The following SGK1 variants were observed in gnomAD, a reference collection of about 807,000 sequenced individuals.
SGK1 encodes serum/glucocorticoid regulated kinase 1.
Under a neutral mutation model 64.2 loss-of-function variants are expected in SGK1, and 26 were observed. The ratio of observed to expected loss-of-function variants is 0.40; its 90% CI spans 0.30 to 0.56. The LOEUF is 0.56. Among genes scored for constraint, SGK1 ranks in the 20% least tolerant of loss-of-function variants. The pLI is 0.38. For missense variants in SGK1, 519 were observed against 645.6 expected, an observed-to-expected ratio of 0.80 and a Z score of 2.12; for synonymous variants, 265 against 239.7, an observed-to-expected ratio of 1.11 and a Z score of -0.98.
intron 1 of SGK1, among the ~76,000 whole-genome samples, chr6:134,314,615 C>T (rs1474164731): frequency 6.6e-6 from 1 of 152,146 alleles, no homozygotes; most frequent in Non-Finnish European, 1.5e-5. Flanking sequence ...CATTCCTACC[C>T]AGAACATAGT....
At chr6:134,228,042 C>T (rs906253312) in intron 2 of SGK1, among the ~76,000 whole-genome samples, 2 of 148,922 alleles carry the variant, frequency 1.3e-5, no homozygotes, top group African/African-American at 4.9e-5. Context: ...GCAACCTCCA[C>T]CTCCCGGGCT....
chr6:134,278,027 G>A (rs1406994937), intron 1 of SGK1, among the ~76,000 whole-genome samples: 1 of 152,110 alleles, frequency 6.6e-6, no homozygotes, highest in Non-Finnish European at 1.5e-5. Context: ...GAACTTGAAG[G>A]CGCTTATCCG....
intron 10 of SGK1, 150 bp from the exon 11 acceptor site, chr6:134,171,882 T>C (rs887624852): frequency 3.1e-6 from 2 of 639,698 alleles, no homozygotes; most frequent in East Asian, 2.7e-5. Context: ...TGCTGGACTT[T>C]TTGAGGGTGA....
At chr6:134,302,740 T>C (rs1777476476) in intron 1 of SGK1, among the ~76,000 whole-genome samples, 1 of 152,026 alleles carries the variant, frequency 6.6e-6, no homozygotes, top group East Asian at 1.9e-4. Flanking sequence ...CTTTGAGGTA[T>C]TATTGTTATT....
At chr6:134,286,313 C>T (rs1162042938) in intron 1 of SGK1, among the ~76,000 whole-genome samples, 1 of 152,066 alleles carries the variant, frequency 6.6e-6, no homozygotes, top group Non-Finnish European at 1.5e-5. Flanking sequence ...AAATAATTAG[C>T]TGGGCATGGT....
chr6:134,247,596 G>C (rs1006082397), intron 2 of SGK1, among the ~76,000 whole-genome samples: 1 of 152,156 alleles, frequency 6.6e-6, no homozygotes, highest in Non-Finnish European at 1.5e-5. Flanking sequence ...GATTAATTTT[G>C]GTGGCTGAGG....
At chr6:134,245,529 T>G (rs1314932255) in intron 2 of SGK1, among the ~76,000 whole-genome samples, 2 of 152,244 alleles carry the variant, frequency 1.3e-5, no homozygotes, top group Non-Finnish European at 2.9e-5. Context: ...TGAAGATTTT[T>G]ACTTCACTTT....
chr6:134,308,553 G>C (rs998297388), intron 1 of SGK1, among the ~76,000 whole-genome samples: 2 of 152,024 alleles, frequency 1.3e-5, no homozygotes, highest in African/African-American at 4.8e-5. Flanking sequence ...ACAATCCTAG[G>C]AATGTTTCTT....
intron 1 of SGK1, among the ~76,000 whole-genome samples, chr6:134,316,333 A>C (rs76149821): frequency 0.05 from 7,644 of 152,224 alleles, 251 homozygotes; most frequent in Non-Finnish European, 0.075. Flanking sequence ...GTGGCACAGA[A>C]AGGACCTGAA....
chr6:134,221,791 T>G (rs1582722341), intron 2 of SGK1, among the ~76,000 whole-genome samples: 1 of 151,994 alleles, frequency 6.6e-6, no homozygotes, highest in South Asian at 2.1e-4. Flanking sequence ...TAGCTGGGAT[T>G]ACAGGTGTGG....
At chr6:134,316,092 G>C (rs1429381251) in intron 1 of SGK1, among the ~76,000 whole-genome samples, 1 of 152,182 alleles carries the variant, frequency 6.6e-6, no homozygotes. Flanking sequence ...ATTTTGGTTT[G>C]AATGCATATG....
chr6:134,286,791 A>G (rs1346132204), intron 1 of SGK1, among the ~76,000 whole-genome samples: 2 of 152,076 alleles, frequency 1.3e-5, no homozygotes, highest in African/African-American at 4.8e-5. Context: ...TTTAAAAAAG[A>G]GTATATTTAG....
chr6:134,226,398 GT>G (rs1299172567), intron 2 of SGK1, among the ~76,000 whole-genome samples: 1 of 151,132 alleles, frequency 6.6e-6, no homozygotes, highest in African/African-American at 2.4e-5. Flanking sequence ...TTTTGTTTTT[GT>G]TTTTTTAAAT....
At chr6:134,219,949 C>T (rs1776057173) in intron 2 of SGK1, among the ~76,000 whole-genome samples, 1 of 141,114 alleles carries the variant, frequency 7.1e-6, no homozygotes, top group African/African-American at 2.6e-5. Context: ...GTCCCAGCTA[C>T]TTGGGAGGCT....
intron 1 of SGK1, among the ~76,000 whole-genome samples, chr6:134,266,872 T>C (rs1400663472): frequency 6.6e-6 from 1 of 152,206 alleles, no homozygotes; most frequent in Non-Finnish European, 1.5e-5. Flanking sequence ...TGGATAATGT[T>C]TTTTATTATT....
At chr6:134,313,801 A>T (rs1777640209) in intron 1 of SGK1, among the ~76,000 whole-genome samples, 1 of 152,194 alleles carries the variant, frequency 6.6e-6, no homozygotes, top group Admixed American at 6.6e-5. Flanking sequence ...GTATTTCCAA[A>T]AAGGATTATC....
At chr6:134,172,485 A>T in intron 9 of SGK1, 169 bp from the exon 10 acceptor site, 1 of 808,410 alleles carries the variant, frequency 1.2e-6, no homozygotes, top group African/African-American at 1.7e-5. Flanking sequence ...ATTAGGCACA[A>T]TCCTACTTGG....
At chr6:134,236,118 A>G (rs899930718) in intron 2 of SGK1, among the ~76,000 whole-genome samples, 1 of 152,256 alleles carries the variant, frequency 6.6e-6, no homozygotes, top group Non-Finnish European at 1.5e-5. Context: ...TGTACAGTAA[A>G]GGGATTGTAG....
intron 3 of SGK1, among the ~76,000 whole-genome samples, chr6:134,192,255 A>G (rs914086621): frequency 2.0e-5 from 3 of 151,952 alleles, no homozygotes; most frequent in African/African-American, 4.8e-5. Flanking sequence ...GTGGGTCACC[A>G]TGCCCGGCCT....
Sources: allele counts gnomAD v4.1 joint callset (sites outside exome capture counted in the v4.1 genomes callset), GRCh38; gene constraint gnomAD v4.1.1; transcripts MANE v1.5; gene names NCBI Gene and HGNC (gene_info 2026-07-23, HGNC 2026-07-21).